The following GLIS3 variants were observed in gnomAD, a reference collection of about 807,000 sequenced individuals.
GLIS3 encodes the protein zinc finger protein GLIS3.
Under a neutral mutation model 78.6 loss-of-function variants are expected in GLIS3, and 53 were observed. That is an observed-to-expected ratio of 0.67 (90% confidence interval 0.54 to 0.85). GLIS3 has a LOEUF of 0.85. Ranked by LOEUF, GLIS3 falls within the 40% of genes least tolerant of loss-of-function variation. The probability of loss-of-function intolerance (pLI) is 0.00; values close to 1 mark genes in which losing one functional copy is unlikely to be tolerated. For synonymous variants in GLIS3, 684 were observed against 509.9 expected, an observed-to-expected ratio of 1.34 and a Z score of -4.60; for missense variants, 1,703 against 1,231.1, an observed-to-expected ratio of 1.38 and a Z score of -5.74.
chr9:3,863,586 C>G (rs904121192), intron 8 of GLIS3, among the ~76,000 whole-genome samples: 1 of 152,184 alleles, frequency 6.6e-6, no homozygotes, highest in Admixed American at 6.5e-5. Context: ...TTGGAAAAGA[C>G]CAGGACTCAA....
the GLIS3 span, among the ~76,000 whole-genome samples, chr9:4,454,413 C>T: frequency 1.3e-5 from 2 of 152,168 alleles, no homozygotes; most frequent in Admixed American, 1.3e-4. Context: ...GCACATACCT[C>T]TAATTTTACA....
chr9:3,913,013 G>A (rs1028780914), intron 6 of GLIS3, among the ~76,000 whole-genome samples: 2 of 152,008 alleles, frequency 1.3e-5, no homozygotes, highest in South Asian at 4.1e-4. Flanking sequence ...TATTCTCAGG[G>A]TTTAATTAAA....
the GLIS3 span, among the ~76,000 whole-genome samples, chr9:4,487,820 A>G: frequency 0.013 from 1,961 of 151,862 alleles, 44 homozygotes; most frequent in African/African-American, 0.045. Flanking sequence ...CCCAAGTAGC[A>G]GAGACTACAG....
At chr9:3,945,129 C>T (rs584997) in intron 4 of GLIS3, among the ~76,000 whole-genome samples, 31,726 of 152,166 alleles carry the variant, frequency 0.21, 3,434 homozygotes, top group Middle Eastern at 0.27. Context: ...GGGGACCAAA[C>T]TTTCAACATA....
chr9:4,288,751 A>AT (rs5896060), intron 1 of GLIS3, among the ~76,000 whole-genome samples: 5 of 152,026 alleles, frequency 3.3e-5, no homozygotes, highest in Admixed American at 2.6e-4. Context: ...AAAAACAACA[A>AT]AAAGTATACT....
At chr9:4,214,131 A>C (rs902809794) in intron 2 of GLIS3, among the ~76,000 whole-genome samples, 4 of 152,206 alleles carry the variant, frequency 2.6e-5, no homozygotes, top group African/African-American at 4.8e-5. Flanking sequence ...AACACATATC[A>C]AACAAAACTC....
chr9:4,230,458 T>C (rs557483178), intron 2 of GLIS3, among the ~76,000 whole-genome samples: 2 of 152,164 alleles, frequency 1.3e-5, no homozygotes, highest in African/African-American at 4.8e-5. Context: ...AATACCCAGA[T>C]AGCCACACAT....
chr9:3,861,010 G>A (rs533081986), intron 8 of GLIS3, among the ~76,000 whole-genome samples: 2 of 152,194 alleles, frequency 1.3e-5, no homozygotes, highest in South Asian at 2.1e-4. Context: ...AGGGCGGGGT[G>A]GATTAGGAAT....
chr9:3,858,386 T>C (rs1462007640), intron 8 of GLIS3, among the ~76,000 whole-genome samples: 1 of 152,182 alleles, frequency 6.6e-6, no homozygotes, highest in African/African-American at 2.4e-5. Flanking sequence ...CCATGCTCTC[T>C]TGACTACCAA....
chr9:4,461,058 T>C, the GLIS3 span, among the ~76,000 whole-genome samples: 11 of 152,330 alleles, frequency 7.2e-5, no homozygotes, highest in East Asian at 2.1e-3. Flanking sequence ...TGTTCTCTTA[T>C]TTTACCAAAT....
chr9:4,407,134 A>C, the GLIS3 span, among the ~76,000 whole-genome samples: 1 of 152,214 alleles, frequency 6.6e-6, no homozygotes, highest in South Asian at 2.1e-4. Context: ...CCCAGAAACA[A>C]ATCCACCCAT....
intron 2 of GLIS3, among the ~76,000 whole-genome samples, chr9:4,272,620 A>G (rs918180005): frequency 3.9e-5 from 6 of 152,252 alleles, no homozygotes; most frequent in African/African-American, 9.6e-5. Context: ...AAAATGCTAC[A>G]TAATTGCTAG....
intron 4 of GLIS3, among the ~76,000 whole-genome samples, chr9:4,088,529 T>G (rs138679881): frequency 0.013 from 1,988 of 152,344 alleles, 148 homozygotes; most frequent in Admixed American, 0.12. Flanking sequence ...TAAACCAACT[T>G]TGAAAGATTA....
chr9:4,179,955 G>A (rs1026175117), intron 2 of GLIS3, among the ~76,000 whole-genome samples: 2 of 151,926 alleles, frequency 1.3e-5, no homozygotes, highest in African/African-American at 4.8e-5. Context: ...GCATTTTTAT[G>A]AAAAAGTAGG....
chr9:4,390,364 TAA>T, the GLIS3 span, among the ~76,000 whole-genome samples: 12 of 151,934 alleles, frequency 7.9e-5, no homozygotes, highest in Non-Finnish European at 1.6e-4. Context: ...ACGTACTTGA[TAA>T]AAGTCTTTTT....
At chr9:4,276,895 G>A (rs1827084114) in intron 2 of GLIS3, among the ~76,000 whole-genome samples, 2 of 152,092 alleles carry the variant, frequency 1.3e-5, no homozygotes, top group Non-Finnish European at 2.9e-5. Flanking sequence ...TACCTCAACT[G>A]GAATAATGTC....
At chr9:4,016,540 G>A (rs1299344394) in intron 4 of GLIS3, among the ~76,000 whole-genome samples, 1 of 152,172 alleles carries the variant, frequency 6.6e-6, no homozygotes, top group East Asian at 1.9e-4. Flanking sequence ...TTTCATGTGA[G>A]GTGACAGAGA....
rs1587113937 is a variant in GLIS3 at position 4,242,274 on chromosome 9, T to C, written c.388+43764A>G. On this transcript the variant is annotated intron_variant, in intron 2 of 10. Coordinates refer to ENST00000381971, the MANE Select transcript of GLIS3 (RefSeq NM_001042413.2). ...AGGGCCGTCTTTTATCTTCTAATTC[T>C]AGGACATCTCCAGGAAGTGGGGGAA... Among the ~76,000 whole-genome samples, 5 of 152,280 alleles carry C rather than the reference T, an allele frequency of 3.3e-5. No individual in the cohort carries two copies. In the South Asian group the frequency reaches 1.0e-3, roughly 32 times the overall value.
intron 4 of GLIS3, among the ~76,000 whole-genome samples, chr9:4,115,558 G>C (rs748137662): frequency 2.0e-5 from 3 of 152,032 alleles, no homozygotes; most frequent in African/African-American, 4.8e-5. Context: ...TTCTATCTGT[G>C]GATTACAACT....
Sources: gnomAD v4.1 joint callset for allele counts (sites outside exome capture counted in the v4.1 genomes callset) on GRCh38, gnomAD v4.1.1 for gene constraint, MANE v1.5 for transcripts, NCBI Gene and HGNC (gene_info 2026-07-23, HGNC 2026-07-21) for gene names.